The following IGF1 variants were observed in gnomAD, a reference collection of about 807,000 sequenced individuals.
The protein encoded by IGF1 is insulin-like growth factor 1.
IGF1 carries 4 observed loss-of-function variants against 13.8 expected under a neutral mutation model. The ratio of observed to expected loss-of-function variants is 0.29; its 90% CI spans 0.14 to 0.66. The LOEUF (loss-of-function observed/expected upper bound fraction) is 0.66, where lower values mean the gene tolerates loss of function less well. IGF1 is among the 30% of genes least tolerant of loss of function. The pLI, the probability that IGF1 is intolerant of heterozygous loss-of-function variation, is 0.78. For missense variants in IGF1, 124 were observed against 188.5 expected (o/e 0.66, Z 2.00); for synonymous variants, 76 against 72.6 (o/e 1.05, Z -0.23).
In IGF1 at chr12:102,402,541, C is replaced by T; in HGVS notation, c.428G>A (p.Arg143Lys). Residue 143 changes from arginine to lysine, a missense_variant, in exon 4 of 4, where the codon AGA becomes AAA. By Grantham distance (26) the Arg-to-Lys change is conservative. Coordinates refer to ENST00000337514, the MANE Select transcript of IGF1 (RefSeq NM_000618.5). ...GTAGTTCTTGTTTCCTGCACTCCCT[C>T]TACTTGCGTTCTTCAAATGTACTTC... The part of the protein sequence containing the change: ...QKEVHLKNAS[R>K]GSAGNKNYRM The T allele has an allele frequency of 1.3e-6, 1 of 780,878 alleles. No homozygotes were observed. The highest frequency in any genetic ancestry group is 2.4e-6 in the Non-Finnish European group (1 of 417,982). The allele number at this position is 780,878 out of a possible 1,614,324, so 48.4% of individuals were successfully genotyped here.
Position 102,400,222 on chromosome 12 carries a change from C to G in IGF1, c.*2285G>C, listed in dbSNP as rs1873572197. 1 of 151,476 alleles carries G rather than the reference C, an allele frequency of 6.6e-6. No homozygotes were observed. Among genetic ancestry groups the G allele is most frequent in the African/African-American group, 2.4e-5 (1 of 41,208 alleles). The allele number at this position is 151,476 out of a possible 1,614,324, so 9.4% of individuals were successfully genotyped here. On this transcript the variant is annotated 3_prime_UTR_variant, in exon 4 of 4. Transcript: ENST00000337514. Reference sequence around the variant, plus strand: ...ATTTTTGTTTTTCATATAGACTTTCCAAGAATGTAAAATATAGAATTTGCA... The same window carrying G: ...ATTTTTGTTTTTCATATAGACTTTCGAAGAATGTAAAATATAGAATTTGCA...
rs372877594 is a variant in IGF1 at position 102,441,235 on chromosome 12, C to T, written c.221-21545G>A. 4.6e-5 allele frequency among the ~76,000 whole-genome samples: 7 copies of T among 152,320 alleles called. No homozygotes were observed. In the South Asian group the frequency reaches 1.4e-3, roughly 32 times the overall value. On this transcript the variant is annotated intron_variant, in intron 2 of 3. Coordinates refer to ENST00000337514, the MANE Select transcript of IGF1 (RefSeq NM_000618.5). ...AAAGTCAAGTCAACAAAGTCAAATC[C>T]TCCTCTGGACTTGCTGGTATCTGCA... is the stretch of plus-strand genomic sequence containing the variant.
At chr12:102,406,096 C>T (rs776267793) in intron 3 of IGF1, among the ~76,000 whole-genome samples, 1 of 152,238 alleles carries the variant, frequency 6.6e-6, no homozygotes, top group Admixed American at 6.5e-5. Context: ...CATGCACACA[C>T]GTGCACGGTG....
intron 1 of IGF1, among the ~76,000 whole-genome samples, chr12:102,476,414 A>G (rs1467971834): frequency 2.0e-5 from 3 of 147,776 alleles, no homozygotes; most frequent in African/African-American, 7.6e-5. Context: ...TCAATATGAG[A>G]GAGAGAGAGA....
chr12:102,406,731 C>T (rs1050291091), intron 3 of IGF1, among the ~76,000 whole-genome samples: 1 of 152,118 alleles, frequency 6.6e-6, no homozygotes, highest in Non-Finnish European at 1.5e-5. Flanking sequence ...TTCACCTTCT[C>T]CCATTATCTC....
intron 2 of IGF1, among the ~76,000 whole-genome samples, chr12:102,462,254 C>G (rs1049557701): frequency 6.6e-6 from 1 of 152,150 alleles, no homozygotes; most frequent in Non-Finnish European, 1.5e-5. Flanking sequence ...AAACACTTTC[C>G]CTAGCCAGTT....
At chr12:102,433,441 C>T (rs537881059) in intron 2 of IGF1, among the ~76,000 whole-genome samples, 7 of 152,210 alleles carry the variant, frequency 4.6e-5, no homozygotes, top group Admixed American at 2.6e-4. Flanking sequence ...TTGTTGAAGT[C>T]TCAGTCTAGC....
Position 102,402,208 on chromosome 12 carries a change from C to G in IGF1, c.*299G>C, listed in dbSNP as rs979903251. On this transcript the variant is annotated 3_prime_UTR_variant, in exon 4 of 4. Coordinates refer to ENST00000337514, the MANE Select transcript of IGF1 (RefSeq NM_000618.5). ...ATACAACACCCATGCATTTGTGGCT[C>G]TTGAGAGGCAGGGACTAAGATATAT... is the stretch of plus-strand genomic sequence containing the variant. 2 of 186,972 alleles carry G rather than the reference C, an allele frequency of 1.1e-5. No individual in the cohort carries two copies. The highest frequency in any genetic ancestry group is 2.2e-5 in the Non-Finnish European group (2 of 91,554). The allele number at this position is 186,972 out of a possible 1,614,324, so 11.6% of individuals were successfully genotyped here. A position where few individuals can be genotyped will look rare whatever the true frequency, so the allele number is the denominator to read the frequency against.
chr12:102,412,240 A>G (rs1874707605), intron 3 of IGF1, among the ~76,000 whole-genome samples: 1 of 152,174 alleles, frequency 6.6e-6, no homozygotes, highest in Admixed American at 6.5e-5. Flanking sequence ...AGACAAAGGA[A>G]TCCTGCAGTT....
intron 2 of IGF1, among the ~76,000 whole-genome samples, chr12:102,464,752 A>AGCC (rs1880181465): frequency 1.3e-5 from 2 of 152,132 alleles, no homozygotes; most frequent in African/African-American, 4.8e-5. Flanking sequence ...AAAAAAATTT[A>AGCC]ATTCCCCTAA....
chr12:102,442,892 C>A (rs1396991259), intron 2 of IGF1, among the ~76,000 whole-genome samples: 1 of 152,104 alleles, frequency 6.6e-6, no homozygotes, highest in Non-Finnish European at 1.5e-5. Flanking sequence ...ATGCCAGGCA[C>A]TGTGCTAGGC....
upstream of IGF1, chr12:102,480,628 G>A (rs982393800): frequency 7.4e-7 from 1 of 1,349,958 alleles, no homozygotes; most frequent in Non-Finnish European, 9.6e-7. Context: ...GGAAACAGCT[G>A]GGGGAACATT....
At chr12:102,414,750 A>G (rs958174043) in intron 3 of IGF1, among the ~76,000 whole-genome samples, 1 of 152,162 alleles carries the variant, frequency 6.6e-6, no homozygotes, top group African/African-American at 2.4e-5. Flanking sequence ...AGCCTCTCCA[A>G]TGCTTATAAC....
intron 1 of IGF1, among the ~76,000 whole-genome samples, chr12:102,479,922 TAC>T (rs1881300918): frequency 6.7e-6 from 1 of 150,244 alleles, no homozygotes; most frequent in Admixed American, 6.6e-5. Flanking sequence ...CAGAGACACA[TAC>T]ACACATGCAA....
intron 3 of IGF1, among the ~76,000 whole-genome samples, chr12:102,406,297 C>T (rs1057106055): frequency 2.0e-5 from 3 of 152,220 alleles, no homozygotes; most frequent in Non-Finnish European, 2.9e-5. Context: ...TGACAATGGG[C>T]GGCAAGTGGA....
At chr12:102,436,985 G>C (rs1398105013) in intron 2 of IGF1, among the ~76,000 whole-genome samples, 1 of 152,240 alleles carries the variant, frequency 6.6e-6, no homozygotes, top group East Asian at 1.9e-4. Flanking sequence ...TTCCCAATTA[G>C]AGCATTCCTC....
At chr12:102,475,270 C>A (rs749264597) in intron 2 of IGF1, among the ~76,000 whole-genome samples, 2 of 152,038 alleles carry the variant, frequency 1.3e-5, no homozygotes, top group Non-Finnish European at 2.9e-5. Context: ...AGCAGCCCTG[C>A]ATGTGTTCCA....
chr12:102,426,296 C>T (rs1336809783), intron 2 of IGF1, among the ~76,000 whole-genome samples: 1 of 152,164 alleles, frequency 6.6e-6, no homozygotes, highest in African/African-American at 2.4e-5. Context: ...AGAGTACCTC[C>T]CAGGACTGGC....
intron 3 of IGF1, chr12:102,417,697 A>G (rs1875269243): frequency 2.4e-5 from 36 of 1,513,094 alleles, no homozygotes; most frequent in Non-Finnish European, 3.1e-5. Context: ...CCATCACATC[A>G]TCATCTAGCT....
Sources: gnomAD v4.1 joint callset for allele counts (sites outside exome capture counted in the v4.1 genomes callset) on GRCh38, gnomAD v4.1.1 for gene constraint, MANE v1.5 for transcripts, NCBI Gene and HGNC (gene_info 2026-07-23, HGNC 2026-07-21) for gene names.